The following ARVCF variants were observed in gnomAD, a reference collection of about 807,000 sequenced individuals.
The protein encoded by ARVCF is ARVCF delta catenin family member.
In ARVCF, 66 loss-of-function variants were observed where a neutral mutation model predicts 90.9. The ratio of observed to expected loss-of-function variants is 0.73; its 90% CI spans 0.60 to 0.89. ARVCF has a LOEUF of 0.89. ARVCF is among the 40% of genes least tolerant of loss of function. ARVCF has a pLI of 0.00. For missense variants in ARVCF, 1,469 were observed against 1,382.3 expected, an observed-to-expected ratio of 1.06 and a Z score of -1.00; for synonymous variants, 653 against 603.4, an observed-to-expected ratio of 1.08 and a Z score of -1.21.
chr22:19,975,548 T>C (rs1040504109), intron 11 of ARVCF, 138 bp downstream of exon 11: 10 of 885,682 alleles, frequency 1.1e-5, no homozygotes, highest in Non-Finnish European at 1.7e-5. Flanking sequence ...CTCCAGGAAA[T>C]CCTGCACCTA....
At chr22:19,966,679 G>A (rs752662138), downstream of ARVCF, among the ~76,000 whole-genome samples, 19 of 152,054 alleles carry the variant, frequency 1.2e-4, no homozygotes, top group African/African-American at 3.4e-4. Flanking sequence ...GGCCTCAAGC[G>A]ATCCTCTTGC....
chr22:20,008,260 G>A (rs956045543), intron 2 of ARVCF, among the ~76,000 whole-genome samples: 2 of 152,168 alleles, frequency 1.3e-5, no homozygotes, highest in East Asian at 1.9e-4. Flanking sequence ...GGCACACGGC[G>A]GCTGATGGAG....
chr22:19,998,050 C>T (rs959878174), intron 2 of ARVCF, among the ~76,000 whole-genome samples: 5 of 152,240 alleles, frequency 3.3e-5, no homozygotes, highest in Non-Finnish European at 7.3e-5. Context: ...ACAGGGTTCA[C>T]AGCTAGGCTG....
At chr22:20,009,751 C>T (rs376800262) in intron 2 of ARVCF, among the ~76,000 whole-genome samples, 4 of 152,224 alleles carry the variant, frequency 2.6e-5, no homozygotes, top group Non-Finnish European at 4.4e-5. Flanking sequence ...GCTTCCCAGG[C>T]GCTATGCCTC....
rs904699861 is a variant in ARVCF, at chr22:20,004,502, GA to G, written c.-19+5952del. On this transcript the variant is annotated intron_variant, in intron 2 of 19. Transcript: ENST00000263207. ...GACCTGTCAAAAAAAAAAAAGAAAA[GA>G]AAAAAAAAATCCCAATGACATTGTT... Among the ~76,000 whole-genome samples the G allele has an allele frequency of 1.2e-3, 175 of 146,154 alleles. 2 individuals are homozygous for G. Among genetic ancestry groups the G allele is most frequent in the African/African-American group, 2.8e-3 (110 of 39,642 alleles).
At chr22:19,981,781 T>G (rs771299258) in intron 4 of ARVCF, 44 bp from the exon 5 acceptor site, 1 of 1,550,524 alleles carries the variant, frequency 6.4e-7, no homozygotes, top group Non-Finnish European at 8.7e-7. Flanking sequence ...ACGAGAGGCC[T>G]AGAAACTGCT....
intron 2 of ARVCF, among the ~76,000 whole-genome samples, chr22:19,997,948 C>T (rs894448024): frequency 2.6e-5 from 4 of 152,204 alleles, no homozygotes; most frequent in Non-Finnish European, 4.4e-5. Context: ...GAGGCGGAGG[C>T]GGGGTGTAAA....
chr22:19,995,892 C>T (rs563789643), intron 2 of ARVCF, among the ~76,000 whole-genome samples: 1 of 152,302 alleles, frequency 6.6e-6, no homozygotes, highest in Admixed American at 6.5e-5. Context: ...CAGAAGTGCC[C>T]TGGCAGGAGT....
downstream of ARVCF, among the ~76,000 whole-genome samples, chr22:19,966,158 T>C (rs558181873): frequency 6.6e-6 from 1 of 152,150 alleles, no homozygotes; most frequent in South Asian, 2.1e-4. Context: ...AAGTGGGAAG[T>C]CATGAATTGG....
chr22:19,970,796 C>A, intron 19 of ARVCF, 53 bp from the exon 20 acceptor site: 1 of 1,293,944 alleles, frequency 7.7e-7, no homozygotes. Flanking sequence ...GGCACAGGAC[C>A]ACGTGTAACC....
chr22:19,979,520 C>G, intron 6 of ARVCF: 1 of 691,858 alleles, frequency 1.4e-6, no homozygotes, highest in African/African-American at 1.8e-5. Flanking sequence ...GGGACATGCC[C>G]GAGGGGCGCA....
At chr22:19,977,905 T>G (rs1229848436) in intron 8 of ARVCF, 53 bp downstream of exon 8, 31 of 1,534,780 alleles carry the variant, frequency 2.0e-5, no homozygotes, top group Non-Finnish European at 2.2e-5. Flanking sequence ...TCCTGGGACC[T>G]GCATGATCGT....
chr22:20,006,972 G>T (rs1371322538), intron 2 of ARVCF, among the ~76,000 whole-genome samples: 1 of 151,982 alleles, frequency 6.6e-6, no homozygotes, highest in Non-Finnish European at 1.5e-5. Context: ...AAAAATTTAA[G>T]GCTGGGTGCA....
rs562956749 is a variant in ARVCF at position 20,015,507 on chromosome 22, G to GT, written c.-73+1081dup. On this transcript the variant is annotated intron_variant, in intron 1 of 19. Coordinates refer to ENST00000263207, the MANE Select transcript of ARVCF (RefSeq NM_001670.3). ...CTCCAATAGAGTGAGTACAAGATAGGTAACACCTGCCTTGTTTGGACCAGA... is the reference window on the plus strand; with the variant it reads ...CTCCAATAGAGTGAGTACAAGATAGGTTAACACCTGCCTTGTTTGGACCAGA... 2.1e-3 allele frequency among the ~76,000 whole-genome samples: 317 copies of GT among 152,282 alleles called. 2 individuals are homozygous for GT. The highest frequency in any genetic ancestry group is 7.5e-3 in the African/African-American group (311 of 41,546).
At chr22:19,975,404 C>T (rs1943096014) in intron 11 of ARVCF, among the ~76,000 whole-genome samples, 1 of 152,198 alleles carries the variant, frequency 6.6e-6, no homozygotes, top group Non-Finnish European at 1.5e-5. Context: ...CCAAACCTTC[C>T]CACCTCTTAC....
chr22:19,967,845 G>A (rs530009419), downstream of ARVCF, among the ~76,000 whole-genome samples: 132 of 152,346 alleles, frequency 8.7e-4, 1 homozygote, highest in Middle Eastern at 6.8e-3. Flanking sequence ...ACCCTTTTCT[G>A]ATAGCATAGA....
chr22:19,971,893 G>T lies in ARVCF; in HGVS notation c.2774C>A (p.Pro925His), dbSNP rs745429036. Residue 925 changes from proline (P) to histidine (H), a missense_variant, in exon 18 of 20, where the codon CCC (proline) becomes CAC (histidine). By Grantham distance (77) the Pro-to-His change is moderately conservative. Transcript: ENST00000263207. ...AGCCACATGACCACTTACTTTCAAG[G>T]GTTCCTTCTCAGAGGCCTCTCCTGC... Reference protein sequence around the residue: ...SSAGEASEKEPLKLDPSRKAP... With the variant: ...SSAGEASEKEHLKLDPSRKAP... 3.1e-6 allele frequency: 5 copies of T among 1,613,184 alleles called. No homozygotes were observed. Among genetic ancestry groups the T allele is most frequent in the Middle Eastern group, 1.6e-4 (1 of 6,080 alleles).
rs377509310 is a variant in ARVCF at position 19,997,606 on chromosome 22, G to A, written c.-18-6794C>T. 2.8e-4 allele frequency among the ~76,000 whole-genome samples: 42 copies of A among 152,330 alleles called. No individual in the cohort carries two copies. The East Asian group carries it at 7.7e-3, about 28-fold the overall frequency. On this transcript the variant is annotated intron_variant, in intron 2 of 19. Transcript: ENST00000263207. ...GTGGTCCTGCAGACTCCAAGCCGTG[G>A]AGTAGTGGCAGTGAGGGGCCACATT...
chr22:19,981,773 G>T, intron 4 of ARVCF, 36 bp from the exon 5 acceptor site: 1 of 1,550,300 alleles, frequency 6.5e-7, no homozygotes, highest in Non-Finnish European at 8.7e-7. Flanking sequence ...GGGGTAGCAC[G>T]AGAGGCCTAG....
Sources: allele counts gnomAD v4.1 joint callset (sites outside exome capture counted in the v4.1 genomes callset), GRCh38; gene constraint gnomAD v4.1.1; transcripts MANE v1.5; gene names NCBI Gene and HGNC (gene_info 2026-07-23, HGNC 2026-07-21).